Variants in GAREM1 observed in about 807,000 individuals in gnomAD.
The protein encoded by GAREM1 is GRB2 associated regulator of MAPK1 subtype 1.
Under a neutral mutation model 71.3 loss-of-function variants are expected in GAREM1, and 26 were observed. The ratio of observed to expected loss-of-function variants is 0.36; its 90% CI spans 0.27 to 0.51. The LOEUF (loss-of-function observed/expected upper bound fraction) is 0.51. Ranked by LOEUF, GAREM1 falls within the 20% of genes least tolerant of loss-of-function variation. The probability of loss-of-function intolerance (pLI) is 0.95; values close to 1 mark genes in which losing one functional copy is unlikely to be tolerated. For synonymous variants in GAREM1, 440 were observed against 433.2 expected, an observed-to-expected ratio of 1.02 and a Z score of -0.20; for missense variants, 1,026 against 1,103.1, an observed-to-expected ratio of 0.93 and a Z score of 0.99.
chr18:32,397,787 T>C (rs2048272275), intron 1 of GAREM1, among the ~76,000 whole-genome samples: 2 of 152,120 alleles, frequency 1.3e-5, no homozygotes, highest in Admixed American at 6.6e-5. Context: ...AACTCAGGAA[T>C]TGAACTCAGC....
At position 32,308,489 on chromosome 18, in the gene GAREM1, T is replaced by C. The variant is rs1383253309; in HGVS notation, c.393+1704A>G. On this transcript the variant is annotated intron_variant, in intron 3 of 5. Coordinates refer to ENST00000269209, the MANE Select transcript of GAREM1 (RefSeq NM_001242409.2). ...TTTATTAGCAAATGAAATATTTTTC[T>C]AGAAAGGAGTTTAAAACTACTAACT... Among the ~76,000 whole-genome samples, 5 of 150,230 alleles carry C rather than the reference T, an allele frequency of 3.3e-5. 2 individuals carry two copies. Among genetic ancestry groups the C allele is most frequent in the African/African-American group, 1.2e-4 (5 of 40,504 alleles).
chr18:32,276,344 C>A (rs1349164947), intron 4 of GAREM1, among the ~76,000 whole-genome samples: 1 of 152,202 alleles, frequency 6.6e-6, no homozygotes, highest in Non-Finnish European at 1.5e-5. Context: ...TCTTTTCCTA[C>A]AGCCTCTATT....
intron 1 of GAREM1, among the ~76,000 whole-genome samples, chr18:32,432,831 A>G (rs1344260746): frequency 1.3e-5 from 2 of 152,158 alleles, no homozygotes; most frequent in African/African-American, 2.4e-5. Context: ...CCCAAAGCCA[A>G]GATAGTTTTA....
At chr18:32,401,349 A>G (rs1380395507) in intron 1 of GAREM1, among the ~76,000 whole-genome samples, 1 of 151,410 alleles carries the variant, frequency 6.6e-6, no homozygotes, top group East Asian at 1.9e-4. Context: ...AATAAAGACT[A>G]ATTGAATATA....
chr18:32,350,149 A>T (rs1426934469), intron 2 of GAREM1, among the ~76,000 whole-genome samples: 1 of 152,224 alleles, frequency 6.6e-6, no homozygotes, highest in Admixed American at 6.5e-5. Context: ...GAGAAAAGAA[A>T]GCTATTTGAA....
intron 2 of GAREM1, among the ~76,000 whole-genome samples, chr18:32,362,405 A>T (rs1210095055): frequency 6.6e-6 from 1 of 152,236 alleles, no homozygotes; most frequent in Non-Finnish European, 1.5e-5. Context: ...ATGCACTTTA[A>T]ACTACAAATA....
chr18:32,377,657 A>G (rs1395983428), intron 2 of GAREM1, among the ~76,000 whole-genome samples: 1 of 152,146 alleles, frequency 6.6e-6, no homozygotes, highest in Admixed American at 6.5e-5. Context: ...TCTGCCTCCC[A>G]GGTTCGAGCA....
At chr18:32,338,664 C>G (rs1185284778) in intron 2 of GAREM1, among the ~76,000 whole-genome samples, 1 of 152,178 alleles carries the variant, frequency 6.6e-6, no homozygotes, top group Non-Finnish European at 1.5e-5. Context: ...GACATTTAAG[C>G]TCGAGATAAT....
intron 1 of GAREM1, among the ~76,000 whole-genome samples, chr18:32,454,340 A>C (rs2048868537): frequency 6.6e-6 from 1 of 152,130 alleles, no homozygotes; most frequent in Non-Finnish European, 1.5e-5. Context: ...GCTGCTGATA[A>C]AACTATGTCA....
intron 2 of GAREM1, among the ~76,000 whole-genome samples, chr18:32,369,897 C>G (rs1033934907): frequency 6.6e-6 from 1 of 152,186 alleles, no homozygotes; most frequent in African/African-American, 2.4e-5. Context: ...GGGTCCACTG[C>G]TAACTGTGTA....
intron 2 of GAREM1, among the ~76,000 whole-genome samples, chr18:32,330,068 A>C (rs972674333): frequency 2.0e-5 from 3 of 152,216 alleles, no homozygotes; most frequent in Non-Finnish European, 2.9e-5. Flanking sequence ...TATGTTCATC[A>C]CAGCACTACT....
intron 3 of GAREM1, among the ~76,000 whole-genome samples, chr18:32,297,517 G>T (rs910614312): frequency 6.6e-6 from 1 of 152,074 alleles, no homozygotes; most frequent in Non-Finnish European, 1.5e-5. Context: ...TCACACCTCT[G>T]TATTTTCACA....
intron 1 of GAREM1, among the ~76,000 whole-genome samples, chr18:32,455,985 T>G (rs1465285404): frequency 1.3e-5 from 2 of 152,090 alleles, no homozygotes; most frequent in African/African-American, 2.4e-5. Flanking sequence ...AAAAAAATCT[T>G]ATATCATATG....
intron 1 of GAREM1, among the ~76,000 whole-genome samples, chr18:32,460,898 A>G (rs2048949239): frequency 6.6e-6 from 1 of 152,220 alleles, no homozygotes; most frequent in South Asian, 2.1e-4. Context: ...TATGTAAAGG[A>G]GACATCTTAA....
intron 2 of GAREM1, among the ~76,000 whole-genome samples, chr18:32,341,345 A>G (rs904621286): frequency 5.3e-5 from 8 of 152,208 alleles, no homozygotes; most frequent in African/African-American, 1.9e-4. Flanking sequence ...TCCACGGTGT[A>G]TATGTGCCAC....
At chr18:32,381,387 A>G (rs1234460932) in intron 2 of GAREM1, among the ~76,000 whole-genome samples, 2 of 152,214 alleles carry the variant, frequency 1.3e-5, no homozygotes, top group Admixed American at 1.3e-4. Context: ...GAGTAAGAAA[A>G]AGTGTGCAAA....
In GAREM1 at chr18:32,265,304, T is replaced by C. The variant is rs1259395289; in HGVS notation, c.*2567A>G. On this transcript the variant is annotated 3_prime_UTR_variant, in exon 6 of 6. Transcript: ENST00000269209. Reference sequence around the variant, plus strand: ...ACAAAAAAACAACAACACTAGGCAATGAGAGAGATACTTTCTGCCTCCAAC... The same window carrying C: ...ACAAAAAAACAACAACACTAGGCAACGAGAGAGATACTTTCTGCCTCCAAC... 2.0e-5 allele frequency: 3 copies of C among 152,132 alleles called. No homozygotes were observed. The highest frequency in any genetic ancestry group is 4.4e-5 in the Non-Finnish European group (3 of 68,078). 9.4% of individuals were successfully genotyped at this position (152,132 alleles called of 1,614,324 possible). A position where few individuals can be genotyped will look rare whatever the true frequency, so the allele number is the denominator to read the frequency against.
intron 1 of GAREM1, among the ~76,000 whole-genome samples, chr18:32,430,976 G>A (rs929586565): frequency 2.6e-5 from 4 of 152,162 alleles, no homozygotes; most frequent in Non-Finnish European, 4.4e-5. Context: ...AGAGAGAAAG[G>A]AGTTCAACAG....
chr18:32,320,291 TTC>T (rs1211646254), intron 2 of GAREM1, among the ~76,000 whole-genome samples: 1 of 152,200 alleles, frequency 6.6e-6, no homozygotes, highest in Non-Finnish European at 1.5e-5. Context: ...TATGTGGCTT[TTC>T]TGTTCATTTT....
Sources: allele counts gnomAD v4.1 joint callset (sites outside exome capture counted in the v4.1 genomes callset), GRCh38; gene constraint gnomAD v4.1.1; transcripts MANE v1.5; gene names NCBI Gene and HGNC (gene_info 2026-07-23, HGNC 2026-07-21).